The following ARL8B variants were observed in gnomAD, a reference collection of about 807,000 sequenced individuals.
ARL8B encodes ADP-ribosylation factor-like protein 8B.
ARL8B carries 9 observed loss-of-function variants against 30.6 expected under a neutral mutation model. The ratio of observed to expected loss-of-function variants is 0.29; its 90% CI spans 0.18 to 0.51. The LOEUF is 0.51. Ranked by LOEUF, ARL8B falls within the 20% of genes least tolerant of loss-of-function variation. The pLI is 0.97. For synonymous variants in ARL8B, 74 were observed against 76.0 expected (o/e 0.97, Z 0.14); for missense variants, 130 against 227.2 (o/e 0.57, Z 2.75).
chr3:5,162,250 A>T (rs2054590366), intron 1 of ARL8B, among the ~76,000 whole-genome samples: 1 of 152,250 alleles, frequency 6.6e-6, no homozygotes, highest in Non-Finnish European at 1.5e-5. Context: ...GCCACAGATG[A>T]AAGAGAATGT....
chr3:5,151,877 A>G (rs1052314737), intron 1 of ARL8B, among the ~76,000 whole-genome samples: 6 of 151,962 alleles, frequency 3.9e-5, no homozygotes, highest in African/African-American at 1.2e-4. Flanking sequence ...GGCTCACACG[A>G]CCACGTCTGG....
intron 1 of ARL8B, among the ~76,000 whole-genome samples, chr3:5,144,580 C>T (rs749024840): frequency 6.6e-5 from 10 of 152,188 alleles, no homozygotes; most frequent in Admixed American, 2.0e-4. Flanking sequence ...ACCCACTTCC[C>T]GTTTTCAGTT....
chr3:5,125,752 C>G (rs557939258), intron 1 of ARL8B, among the ~76,000 whole-genome samples: 5 of 152,088 alleles, frequency 3.3e-5, no homozygotes, highest in Admixed American at 1.3e-4. Flanking sequence ...AGGCTGTTCT[C>G]GAACTCCTGG....
Position 5,126,279 on chromosome 3 carries a change from A to G in ARL8B, c.123+3691A>G, listed in dbSNP as rs78012574. Among the ~76,000 whole-genome samples the G allele has an allele frequency of 5.2e-3, 788 of 152,328 alleles. 11 individuals are homozygous for G. Among genetic ancestry groups the G allele is most frequent in the African/African-American group, 0.018 (736 of 41,590 alleles). ...AATAGTAAGTTTAGCCTTTTAAAAA[A>G]TCAGCTGCACTTTTTGTATTGTATA... On this transcript the variant is annotated intron_variant, in intron 1 of 6. Coordinates refer to ENST00000256496, the MANE Select transcript of ARL8B (RefSeq NM_018184.3).
intron 1 of ARL8B, among the ~76,000 whole-genome samples, chr3:5,156,172 G>C (rs1164994263): frequency 6.6e-6 from 1 of 152,198 alleles, no homozygotes; most frequent in Non-Finnish European, 1.5e-5. Flanking sequence ...CAAAGTGCTG[G>C]GATTATAGGC....
chr3:5,152,827 T>G (rs1443112505), intron 1 of ARL8B, among the ~76,000 whole-genome samples: 2 of 152,124 alleles, frequency 1.3e-5, no homozygotes, highest in Non-Finnish European at 2.9e-5. Flanking sequence ...TTGGGTCTTT[T>G]TAAAAAAATA....
At chr3:5,136,649 A>G (rs565071731) in intron 1 of ARL8B, among the ~76,000 whole-genome samples, 8 of 152,326 alleles carry the variant, frequency 5.3e-5, no homozygotes, top group Non-Finnish European at 8.8e-5. Context: ...TTATTCTGGC[A>G]GGATTTGGAA....
At chr3:5,129,041 A>G (rs950601264) in intron 1 of ARL8B, among the ~76,000 whole-genome samples, 2 of 152,116 alleles carry the variant, frequency 1.3e-5, no homozygotes, top group African/African-American at 2.4e-5. Context: ...ATTGTACTCA[A>G]TTTGATCTGC....
intron 1 of ARL8B, among the ~76,000 whole-genome samples, chr3:5,127,329 A>G (rs1474798387): frequency 2.6e-5 from 4 of 152,182 alleles, no homozygotes; most frequent in Non-Finnish European, 4.4e-5. Context: ...GGATTGGGAG[A>G]TCTTAATCCA....
intron 1 of ARL8B, among the ~76,000 whole-genome samples, chr3:5,160,320 C>T (rs2054570060): frequency 6.6e-6 from 1 of 152,176 alleles, no homozygotes; most frequent in African/African-American, 2.4e-5. Context: ...AAACTAATCA[C>T]AGACAAGCAA....
At chr3:5,156,341 A>G (rs552197437) in intron 1 of ARL8B, among the ~76,000 whole-genome samples, 9 of 148,066 alleles carry the variant, frequency 6.1e-5, no homozygotes, top group South Asian at 2.1e-4. Flanking sequence ...GAATCTAATA[A>G]TGTTGTAACC....
At chr3:5,157,916 C>T (rs1325384355) in intron 1 of ARL8B, 1 of 152,010 alleles carries the variant, frequency 6.6e-6, no homozygotes, top group African/African-American at 2.4e-5. Context: ...GCTTCAAGTT[C>T]TAGTTCCCTT....
At chr3:5,148,175 T>C (rs566850906) in intron 1 of ARL8B, among the ~76,000 whole-genome samples, 8 of 152,208 alleles carry the variant, frequency 5.3e-5, no homozygotes, top group African/African-American at 1.9e-4. Context: ...AGCTGGGTCC[T>C]ACGAATTGGT....
At chr3:5,131,927 A>G (rs1013403261) in intron 1 of ARL8B, among the ~76,000 whole-genome samples, 3 of 152,272 alleles carry the variant, frequency 2.0e-5, no homozygotes, top group Middle Eastern at 6.8e-3. Flanking sequence ...CCTGTCACCC[A>G]AACTGGAGTA....
intron 1 of ARL8B, among the ~76,000 whole-genome samples, chr3:5,132,059 T>A (rs923005828): frequency 6.6e-6 from 1 of 152,038 alleles, no homozygotes; most frequent in Admixed American, 6.6e-5. Context: ...ATTAAAAAAA[T>A]TTGTTTTTTT....
chr3:5,172,751 A>C lies in ARL8B; in HGVS notation c.372+11A>C. The stretch of plus-strand genomic sequence containing the variant: ...TTACAAGGAATTCCAGTAAGTATGG[A>C]ATACTTGTTATTTTACATTGTAATT... On this transcript the variant is annotated intron_variant, in intron 4 of 6. Coordinates refer to ENST00000256496, the MANE Select transcript of ARL8B (RefSeq NM_018184.3). The C allele has an allele frequency of 1.4e-6, 2 of 1,445,916 alleles. No individual in the cohort carries two copies. Among genetic ancestry groups the C allele is most frequent in the Non-Finnish European group, 1.9e-6 (2 of 1,034,310 alleles). 89.6% of individuals were successfully genotyped at this position (1,445,916 alleles called of 1,614,324 possible).
Position 5,174,222 on chromosome 3 carries a change from A to G in ARL8B, c.441-122A>G, listed in dbSNP as rs145188472. On this transcript the variant is annotated intron_variant, in intron 5 of 6. Transcript: ENST00000256496. ...GCCTATCAGAGAAGTGAATCCTAAC[A>G]TTTTAGGATTGCTACGATGATTTCT... 995 of 1,076,076 alleles carry G rather than the reference A, an allele frequency of 9.2e-4. 10 individuals carry two copies. In the African/African-American group the frequency reaches 0.014, roughly 15 times the overall value. The allele number at this position is 1,076,076 out of a possible 1,614,324, so 66.7% of individuals were successfully genotyped here.
At chr3:5,164,777 A>C (rs926080448) in intron 1 of ARL8B, among the ~76,000 whole-genome samples, 3 of 152,224 alleles carry the variant, frequency 2.0e-5, no homozygotes, top group African/African-American at 7.2e-5. Context: ...GGATCCAACT[A>C]GGATCAGGTA....
chr3:5,167,689 G>C (rs888581238), intron 1 of ARL8B, among the ~76,000 whole-genome samples: 1 of 152,196 alleles, frequency 6.6e-6, no homozygotes, highest in Non-Finnish European at 1.5e-5. Flanking sequence ...TCATTGGGTT[G>C]TTATAAGGAT....
Sources: allele counts gnomAD v4.1 joint callset (sites outside exome capture counted in the v4.1 genomes callset), GRCh38; gene constraint gnomAD v4.1.1; transcripts MANE v1.5; gene names NCBI Gene and HGNC (gene_info 2026-07-23, HGNC 2026-07-21).